KCNN2: variants seen among roughly 807,000 people sequenced by gnomAD.
KCNN2 encodes small conductance calcium-activated potassium channel protein 2.
A neutral mutation model predicts 55.5 loss-of-function variants in KCNN2; 24 were observed. The ratio of observed to expected loss-of-function variants is 0.43; its 90% CI spans 0.31 to 0.61. KCNN2 has a LOEUF of 0.61. Among genes scored for constraint, KCNN2 ranks in the 20% least tolerant of loss-of-function variants. The pLI is 0.08. For missense variants in KCNN2, 754 were observed against 853.6 expected (o/e 0.88, Z 1.45); for synonymous variants, 431 against 336.1 (o/e 1.28, Z -3.09).
chr5:114,284,481 TC>T (rs771318199), intron 2 of KCNN2, among the ~76,000 whole-genome samples: 13 of 151,782 alleles, frequency 8.6e-5, no homozygotes, highest in Non-Finnish European at 1.8e-4. Flanking sequence ...AACAAACTAA[TC>T]CAGATAGTTG....
intron 2 of KCNN2, among the ~76,000 whole-genome samples, chr5:114,307,731 T>C (rs1756313254): frequency 6.6e-6 from 1 of 152,168 alleles, no homozygotes; most frequent in Non-Finnish European, 1.5e-5. Context: ...CTAACATTTC[T>C]ACCTCCTCAA....
chr5:114,112,001 T>C (rs887571706), intron 1 of KCNN2, among the ~76,000 whole-genome samples: 2 of 152,230 alleles, frequency 1.3e-5, no homozygotes, highest in Non-Finnish European at 2.9e-5. Flanking sequence ...GGATTATAAA[T>C]GGTGCTGCTA....
intron 2 of KCNN2, among the ~76,000 whole-genome samples, chr5:114,273,275 A>G (rs1420822520): frequency 6.6e-6 from 1 of 152,164 alleles, no homozygotes; most frequent in Non-Finnish European, 1.5e-5. Flanking sequence ...CCAGTCTATC[A>G]TTGATGGACA....
intron 2 of KCNN2, among the ~76,000 whole-genome samples, chr5:114,367,976 CGTTT>C (rs1446055561): frequency 6.6e-6 from 1 of 152,010 alleles, no homozygotes; most frequent in Non-Finnish European, 1.5e-5. Context: ...AAAACATTTT[CGTTT>C]GTTTGTTTTT....
At chr5:114,424,641 A>G (rs548943748) in intron 3 of KCNN2, among the ~76,000 whole-genome samples, 5 of 152,344 alleles carry the variant, frequency 3.3e-5, no homozygotes, top group African/African-American at 1.2e-4. Context: ...CACTGGAAAC[A>G]GGAAAGCCAG....
chr5:114,281,370 G>A (rs1371060251), intron 2 of KCNN2, among the ~76,000 whole-genome samples: 1 of 152,126 alleles, frequency 6.6e-6, no homozygotes, highest in Non-Finnish European at 1.5e-5. Context: ...CTCATGGAAA[G>A]TTACACTTAA....
upstream of KCNN2, among the ~76,000 whole-genome samples, chr5:114,361,712 C>T (rs1389283119): frequency 2.0e-5 from 3 of 152,194 alleles, no homozygotes; most frequent in Non-Finnish European, 4.4e-5. Flanking sequence ...GCGCGTCCGG[C>T]ACTAGTCAAG....
chr5:114,353,746 G>C (rs972376136), intron 2 of KCNN2, among the ~76,000 whole-genome samples: 1 of 151,842 alleles, frequency 6.6e-6, no homozygotes, highest in Non-Finnish European at 1.5e-5. Context: ...TTCTTTCAGT[G>C]CTTTGAATAT....
At chr5:114,139,889 G>A (rs919900179) in intron 1 of KCNN2, among the ~76,000 whole-genome samples, 1 of 151,568 alleles carries the variant, frequency 6.6e-6, no homozygotes, top group Non-Finnish European at 1.5e-5. Context: ...GCATACCTGG[G>A]TAAGACTGAA....
chr5:114,265,345 G>A (rs1298119562), intron 2 of KCNN2, among the ~76,000 whole-genome samples: 2 of 149,290 alleles, frequency 1.3e-5, no homozygotes, highest in Non-Finnish European at 2.9e-5. Flanking sequence ...GTGTGTGTGT[G>A]TGTGTGTGTG....
intron 1 of KCNN2, among the ~76,000 whole-genome samples, chr5:114,160,318 G>A (rs1580572436): frequency 6.6e-6 from 1 of 152,318 alleles, no homozygotes; most frequent in East Asian, 1.9e-4. Context: ...GCGGCTTTGA[G>A]TGAGTTTCTT....
intron 2 of KCNN2, among the ~76,000 whole-genome samples, chr5:114,316,805 G>T (rs576560502): frequency 6.6e-6 from 1 of 152,278 alleles, no homozygotes; most frequent in African/African-American, 2.4e-5. Flanking sequence ...ATATGTGTGT[G>T]TATGGACTCA....
chr5:114,081,214 A>G (rs565430564), intron 1 of KCNN2, among the ~76,000 whole-genome samples: 3 of 152,204 alleles, frequency 2.0e-5, no homozygotes, highest in African/African-American at 7.2e-5. Context: ...TGTCAGGTCT[A>G]CCCCCCAAAA....
At chr5:114,426,226 A>T (rs1341846068) in intron 3 of KCNN2, among the ~76,000 whole-genome samples, 2 of 152,122 alleles carry the variant, frequency 1.3e-5, no homozygotes, top group African/African-American at 4.8e-5. Context: ...CTTCCCAATT[A>T]TATTTTGAAC....
At chr5:114,480,627 G>A (rs1440664960) in intron 5 of KCNN2, among the ~76,000 whole-genome samples, 1 of 152,092 alleles carries the variant, frequency 6.6e-6, no homozygotes, top group African/African-American at 2.4e-5. Context: ...ATAAAATACT[G>A]GCAAACTAAA....
In KCNN2 at chr5:114,367,142, C is replaced by T. The variant is rs149797575; in HGVS notation, c.1218+3141C>T. On this transcript the variant is annotated intron_variant, in intron 2 of 7. Coordinates refer to ENST00000673685, the MANE Select transcript of KCNN2 (RefSeq NM_021614.4). ...ACCTTTTATAAAATGTTTATACACA[C>T]TCTGGCAAAACAAGATGGTTCAGGT... Among the ~76,000 whole-genome samples, 756 of 152,302 alleles carry T rather than the reference C, an allele frequency of 5.0e-3. 11 individuals carry two copies. Among genetic ancestry groups the T allele is most frequent in the African/African-American group, 0.017 (709 of 41,574 alleles).
At chr5:114,145,300 A>G (rs1752375586) in intron 1 of KCNN2, among the ~76,000 whole-genome samples, 1 of 152,242 alleles carries the variant, frequency 6.6e-6, no homozygotes, top group African/African-American at 2.4e-5. Context: ...GTATAGTGAG[A>G]AGAATTAAAT....
chr5:114,449,904 A>G (rs78140221), intron 3 of KCNN2, among the ~76,000 whole-genome samples: 1,452 of 29,454 alleles, frequency 0.049, 22 homozygotes, highest in African/African-American at 0.072. Flanking sequence ...ACACACACAC[A>G]CACACGCGCG....
chr5:114,093,068 G>A (rs1224801530), intron 1 of KCNN2, among the ~76,000 whole-genome samples: 1 of 152,160 alleles, frequency 6.6e-6, no homozygotes, highest in Non-Finnish European at 1.5e-5. Flanking sequence ...TTGTCAGGAT[G>A]CAGATTTTCC....
Sources: gnomAD v4.1 joint callset for allele counts (sites outside exome capture counted in the v4.1 genomes callset) on GRCh38, gnomAD v4.1.1 for gene constraint, MANE v1.5 for transcripts, NCBI Gene and HGNC (gene_info 2026-07-23, HGNC 2026-07-21) for gene names.